KIRREL3: variants seen among roughly 807,000 people sequenced by gnomAD.
KIRREL3 encodes kin of IRRE-like protein 3.
In KIRREL3, 36 loss-of-function variants were observed where a neutral mutation model predicts 89.7. The observed-to-expected ratio is 0.40, with a 90% CI of 0.31 to 0.53. The LOEUF is 0.53. Among genes scored for constraint, KIRREL3 ranks in the 20% least tolerant of loss-of-function variants. The pLI, the probability that KIRREL3 is intolerant of heterozygous loss-of-function variation, is 0.49. For synonymous variants in KIRREL3, 445 were observed against 441.4 expected (o/e 1.01, Z -0.10); for missense variants, 864 against 1,056.6 (o/e 0.82, Z 2.53).
At chr11:126,749,428 A>G (rs1409952485) in intron 1 of KIRREL3, among the ~76,000 whole-genome samples, 1 of 152,148 alleles carries the variant, frequency 6.6e-6, no homozygotes, top group East Asian at 1.9e-4. Flanking sequence ...GTGCTCAATC[A>G]AAAGAGCCTC....
Position 126,463,277 on chromosome 11 carries a change from T to A in KIRREL3, c.622A>T (p.Ile208Phe). ...TLLRDGKRES[I>F]VSTLFISPGD... ...GGGGAGATGAAGAGGGTGCTGACGA[T>A]GCTCTCCCGCTTGCCGTCCCGAAGC... Residue 208 changes from isoleucine (I) to phenylalanine (F), a missense_variant, in exon 6 of 17, where the codon ATC (isoleucine) becomes TTC (phenylalanine). Physicochemically the swap from Ile to Phe is conservative, Grantham distance 21. Transcript: ENST00000525144. This position sits in a 1 kb window ranked among gnomAD's most constrained non-coding sequence, Gnocchi z 5.9. 6.2e-7 allele frequency: 1 copy of A among 1,613,682 alleles called. No individual in the cohort carries two copies. Among genetic ancestry groups the A allele is most frequent in the Non-Finnish European group, 8.5e-7 (1 of 1,179,690 alleles).
chr11:126,705,831 C>T lies in KIRREL3; in HGVS notation c.56-142919G>A, dbSNP rs1465335900. On this transcript the variant is annotated intron_variant, in intron 1 of 16. Coordinates refer to ENST00000525144, the MANE Select transcript of KIRREL3 (RefSeq NM_032531.4). This position sits in a 1 kb window ranked among gnomAD's most constrained non-coding sequence, Gnocchi z 4.3. ...ATGGCACTGTGACTTGCCTTGACCA[C>T]TAAAATGTTGAGAAAGTGATGCTGC... 6.6e-6 allele frequency among the ~76,000 whole-genome samples: 1 copy of T among 152,202 alleles called. No homozygotes were observed. The highest frequency in any genetic ancestry group is 2.4e-5 in the African/African-American group (1 of 41,452).
rs1312807573 is a variant in KIRREL3, at chr11:126,817,210, G to A, written c.55+183245C>T. On this transcript the variant is annotated intron_variant, in intron 1 of 16. Coordinates refer to ENST00000525144, the MANE Select transcript of KIRREL3 (RefSeq NM_032531.4). This position sits in a 1 kb window ranked among gnomAD's most constrained non-coding sequence, Gnocchi z 5.7. Reference sequence around the variant, plus strand: ...CTCATCTAAGACCAGAGGAGGCAGAGGGGATAAACAGCTCACCCTGTTGAG... The same window carrying A: ...CTCATCTAAGACCAGAGGAGGCAGAAGGGATAAACAGCTCACCCTGTTGAG... 6.6e-6 allele frequency among the ~76,000 whole-genome samples: 1 copy of A among 152,194 alleles called. No individual in the cohort carries two copies. Among genetic ancestry groups the A allele is most frequent in the Non-Finnish European group, 1.5e-5 (1 of 68,036 alleles).
At chr11:126,532,407 C>T (rs993523831) in intron 2 of KIRREL3, among the ~76,000 whole-genome samples, 21 of 151,504 alleles carry the variant, frequency 1.4e-4, no homozygotes, top group African/African-American at 5.1e-4. Context: ...CGGAGTCTTG[C>T]TCTTGTCGCC....
intron 1 of KIRREL3, among the ~76,000 whole-genome samples, chr11:126,858,932 C>T (rs1944622651): frequency 6.6e-6 from 1 of 152,190 alleles, no homozygotes; most frequent in African/African-American, 2.4e-5. Context: ...TTAAACAAGG[C>T]TGAGGTTCTG....
intron 1 of KIRREL3, among the ~76,000 whole-genome samples, chr11:126,819,319 G>A (rs1212514518): frequency 6.6e-6 from 1 of 152,218 alleles, no homozygotes; most frequent in Non-Finnish European, 1.5e-5. Context: ...CCCTACCAGA[G>A]CCGCTCAGGG....
chr11:126,449,054 T>A lies in KIRREL3; in HGVS notation c.952A>T (p.Asn318Tyr). 1.2e-6 allele frequency: 2 copies of A among 1,613,822 alleles called. No homozygotes were observed. Among genetic ancestry groups the A allele is most frequent in the Non-Finnish European group, 1.7e-6 (2 of 1,179,764 alleles). The change falls in exon 8 of 17, where the codon AAC becomes TAC. Residue 318 changes from asparagine to tyrosine, a missense_variant. Coordinates refer to ENST00000525144, the MANE Select transcript of KIRREL3 (RefSeq NM_032531.4). ...CTGAGGTTGGTGCTGCCCAGGGCGT[T>A]GGTCACCTCACAGGAGACGGGCTCT... is the stretch of plus-strand genomic sequence containing the variant. ...FSEPVSCEVT[N>Y]ALGSTNLSRT...
rs975620054 is a variant in KIRREL3, at chr11:126,989,822, T to C, written c.55+10633A>G. Among the ~76,000 whole-genome samples the C allele has an allele frequency of 2.0e-5, 3 of 152,194 alleles. No homozygotes were observed. The highest frequency in any genetic ancestry group is 7.2e-5 in the African/African-American group (3 of 41,462). On this transcript the variant is annotated intron_variant, in intron 1 of 16. Coordinates refer to ENST00000525144, the MANE Select transcript of KIRREL3 (RefSeq NM_032531.4). The surrounding 1 kb of genome is among the most constrained non-coding windows in gnomAD (Gnocchi z 6.2). Reference sequence around the variant, plus strand: ...GTGGCCAGGATCCAGTTATCTTGCCTGGAAGGATGTTCAAACAGCCATGGC... The same window carrying C: ...GTGGCCAGGATCCAGTTATCTTGCCCGGAAGGATGTTCAAACAGCCATGGC...
At chr11:126,756,431 T>A (rs571101895) in intron 1 of KIRREL3, among the ~76,000 whole-genome samples, 1 of 152,370 alleles carries the variant, frequency 6.6e-6, no homozygotes, top group South Asian at 2.1e-4. Context: ...AGAAAGGGGC[T>A]TCCAGGAGGG....
chr11:126,594,390 C>T lies in KIRREL3; in HGVS notation c.56-31478G>A, dbSNP rs992612136. Among the ~76,000 whole-genome samples the T allele has an allele frequency of 4.6e-5, 7 of 152,274 alleles. No homozygotes were observed. In the East Asian group the frequency reaches 9.7e-4, roughly 21 times the overall value. ...CCAGAAGCTCCTCGAGGAAACTCTG[C>T]GCCCTTTAGACTCCAATCTTCTTGG... is the stretch of plus-strand genomic sequence containing the variant. On this transcript the variant is annotated intron_variant, in intron 1 of 16. Transcript: ENST00000525144. The surrounding 1 kb of genome is among the most constrained non-coding windows in gnomAD (Gnocchi z 5.0).
chr11:126,913,745 C>G (rs1172802903), intron 1 of KIRREL3, among the ~76,000 whole-genome samples: 1 of 152,196 alleles, frequency 6.6e-6, no homozygotes, highest in Non-Finnish European at 1.5e-5. Context: ...AGTGCCTCCT[C>G]TCAAGTCTGC....
Position 126,990,907 on chromosome 11 carries a change from G to A in KIRREL3, c.55+9548C>T, listed in dbSNP as rs985600502. On this transcript the variant is annotated intron_variant, in intron 1 of 16. Coordinates refer to ENST00000525144, the MANE Select transcript of KIRREL3 (RefSeq NM_032531.4). The surrounding 1 kb of genome is among the most constrained non-coding windows in gnomAD (Gnocchi z 6.3). ...GGAATCACTCCTCCTGCCACTCCCG[G>A]ATGAACGTGCTAAGCTTCCTGTGCA... is the stretch of plus-strand genomic sequence containing the variant. Among the ~76,000 whole-genome samples the A allele has an allele frequency of 2.0e-5, 3 of 152,184 alleles. No individual in the cohort carries two copies. Among genetic ancestry groups the A allele is most frequent in the African/African-American group, 7.2e-5 (3 of 41,452 alleles).
In KIRREL3 at chr11:126,676,457, C is replaced by T. The variant is rs1053913264; in HGVS notation, c.56-113545G>A. ...TGGGCTGGCTCTGCAGTTGGCCACA[C>T]TGAGGCTGTTCTTTGACCAGTGTTT... On this transcript the variant is annotated intron_variant, in intron 1 of 16. Coordinates refer to ENST00000525144, the MANE Select transcript of KIRREL3 (RefSeq NM_032531.4). This position sits in a 1 kb window ranked among gnomAD's most constrained non-coding sequence, Gnocchi z 4.5. Among the ~76,000 whole-genome samples the T allele has an allele frequency of 6.6e-6, 1 of 152,176 alleles. No individual in the cohort carries two copies.
Position 126,432,063 on chromosome 11 carries a change from T to C in KIRREL3, c.1589-537A>G, listed in dbSNP as rs984199468. ...CAGGTCTAAGTAGCTTCCCCGCAGG[T>C]CTGCTGGGCATCAGTTGTGGCCCTC... On this transcript the variant is annotated intron_variant, in intron 13 of 16. Coordinates refer to ENST00000525144, the MANE Select transcript of KIRREL3 (RefSeq NM_032531.4). The surrounding 1 kb of genome is among the most constrained non-coding windows in gnomAD (Gnocchi z 6.2). 6.6e-6 allele frequency among the ~76,000 whole-genome samples: 1 copy of C among 152,106 alleles called. No homozygotes were observed. The highest frequency in any genetic ancestry group is 1.5e-5 in the Non-Finnish European group (1 of 68,004).
rs747826105 is a variant in KIRREL3, at chr11:126,520,760, T to C, written c.433+555A>G. 7.2e-5 allele frequency among the ~76,000 whole-genome samples: 11 copies of C among 151,898 alleles called. No homozygotes were observed. Among genetic ancestry groups the C allele is most frequent in the Non-Finnish European group, 1.6e-4 (11 of 67,970 alleles). The stretch of plus-strand genomic sequence containing the variant: ...TATGATTTGGAATAAGGACCTGAAA[T>C]GAATTTTCCTAGGAGGGACCTGTCA... On this transcript the variant is annotated intron_variant, in intron 4 of 16. Transcript: ENST00000525144. This position sits in a 1 kb window ranked among gnomAD's most constrained non-coding sequence, Gnocchi z 4.9.
chr11:126,823,913 A>G (rs2134461628), intron 1 of KIRREL3, among the ~76,000 whole-genome samples: 1 of 152,316 alleles, frequency 6.6e-6, no homozygotes, highest in East Asian at 1.9e-4. Context: ...GCAGGTGGGC[A>G]GGGACCAGGT....
chr11:126,500,340 A>C (rs1957815147), intron 4 of KIRREL3, among the ~76,000 whole-genome samples: 1 of 152,184 alleles, frequency 6.6e-6, no homozygotes. Context: ...CTCAGCTGAG[A>C]GACCTTGGAG....
In KIRREL3 at chr11:126,578,452, G is replaced by A. The variant is rs1591767970; in HGVS notation, c.56-15540C>T. On this transcript the variant is annotated intron_variant, in intron 1 of 16. Coordinates refer to ENST00000525144, the MANE Select transcript of KIRREL3 (RefSeq NM_032531.4). This position sits in a 1 kb window ranked among gnomAD's most constrained non-coding sequence, Gnocchi z 4.9. ...TGAACTTCCACATGAACGTGACTCC[G>A]TGCCTACCTGCTAATAAGAGCGGGA... 1.3e-5 allele frequency among the ~76,000 whole-genome samples: 2 copies of A among 152,326 alleles called. No individual in the cohort carries two copies. Among genetic ancestry groups the A allele is most frequent in the Middle Eastern group, 3.4e-3 (1 of 294 alleles).
rs1175621758 is a variant in KIRREL3 at position 126,476,656 on chromosome 11, G to T, written c.434-3190C>A. Among the ~76,000 whole-genome samples, 1 of 146,654 alleles carries T rather than the reference G, an allele frequency of 6.8e-6. No homozygotes were observed. The highest frequency in any genetic ancestry group is 1.5e-5 in the Non-Finnish European group (1 of 65,978). On this transcript the variant is annotated intron_variant, in intron 4 of 16. Coordinates refer to ENST00000525144, the MANE Select transcript of KIRREL3 (RefSeq NM_032531.4). The surrounding 1 kb of genome is among the most constrained non-coding windows in gnomAD (Gnocchi z 6.4). Reference sequence around the variant, plus strand: ...TCGCTTCACTGCACACCAGATGGGGGTGGGGGCTGGGGGGGGGTGGGGGTT... The same window carrying T: ...TCGCTTCACTGCACACCAGATGGGGTTGGGGGCTGGGGGGGGGTGGGGGTT...
Sources: allele counts gnomAD v4.1 joint callset (sites outside exome capture counted in the v4.1 genomes callset), GRCh38; gene constraint gnomAD v4.1.1; non-coding constraint Gnocchi (gnomAD v3.1); transcripts MANE v1.5; gene names NCBI Gene and HGNC (gene_info 2026-07-23, HGNC 2026-07-21).